Variants in BEGAIN observed in about 807,000 individuals in gnomAD.
BEGAIN encodes the protein brain-enriched guanylate kinase-associated protein.
BEGAIN carries 19 observed loss-of-function variants against 35.8 expected under a neutral mutation model. The ratio of observed to expected loss-of-function variants is 0.53; its 90% CI spans 0.37 to 0.78. The LOEUF (loss-of-function observed/expected upper bound fraction) is 0.78, where lower values mean the gene tolerates loss of function less well. Ranked by LOEUF, BEGAIN falls within the 30% of genes least tolerant of loss-of-function variation. The pLI, the probability that BEGAIN is intolerant of heterozygous loss-of-function variation, is 0.00. For missense variants in BEGAIN, 795 were observed against 853.6 expected (o/e 0.93, Z 0.85); for synonymous variants, 462 against 388.6 (o/e 1.19, Z -2.22).
chr14:100,582,306 A>G (rs1052311764), intron 1 of BEGAIN, among the ~76,000 whole-genome samples: 1 of 152,042 alleles, frequency 6.6e-6, no homozygotes, highest in Non-Finnish European at 1.5e-5. Flanking sequence ...CACCATGCCC[A>G]GCTAATTTTT....
chr14:100,559,531 G>T (rs529345536), intron 2 of BEGAIN, among the ~76,000 whole-genome samples: 6 of 152,354 alleles, frequency 3.9e-5, no homozygotes, highest in Non-Finnish European at 8.8e-5. Context: ...CACTTCGATT[G>T]CTGGCTTCAT....
At chr14:100,578,069 C>A (rs2035240865) in intron 1 of BEGAIN, 3 of 397,904 alleles carry the variant, frequency 7.5e-6, no homozygotes, top group African/African-American at 6.2e-5. Context: ...TCCTCACAGG[C>A]CAGGGCTGCC....
Position 100,538,197 on chromosome 14 carries a change from C to G in BEGAIN, c.1611G>C (p.Gly537=), listed in dbSNP as rs756675638. ...GCACCCCGAGCCTGTCCCCGTCCCC[C>G]CCCTCGCTGGGTGCATAGCCGGGCA... ...DPLPGYAPSE[G]GDGDRLGVQL... Residue 537 remains glycine (G), a synonymous_variant, in exon 7 of 7, where the codon GGG becomes GGC. Coordinates refer to ENST00000554140, the MANE Select transcript of BEGAIN (RefSeq NM_001385089.1). The G allele has an allele frequency of 1.3e-6, 2 of 1,552,392 alleles. No individual in the cohort carries two copies. The highest frequency in any genetic ancestry group is 2.3e-5 in the East Asian group (1 of 42,614).
rs1328741561 is a variant in BEGAIN at position 100,567,861 on chromosome 14, AC to A, written c.71+49del. On this transcript the variant is annotated intron_variant, in intron 2 of 6. Transcript: ENST00000554140. This position sits in a 1 kb window ranked among gnomAD's most constrained non-coding sequence, Gnocchi z 5.1. Reference sequence around the variant, plus strand: ...TTCCCCCGCCTTCCCCAGCGCCCTCACCCCCGACCCGGCCCCCGCGAGCCGC... The same window carrying A: ...TTCCCCCGCCTTCCCCAGCGCCCTCACCCCGACCCGGCCCCCGCGAGCCGC... The A allele has an allele frequency of 4.9e-6, 7 of 1,432,900 alleles. No homozygotes were observed. Among genetic ancestry groups the A allele is most frequent in the Admixed American group, 2.4e-5 (1 of 42,542 alleles). 88.8% of individuals were successfully genotyped at this position (1,432,900 alleles called of 1,614,324 possible).
chr14:100,544,957 G>C (rs1253278149), intron 4 of BEGAIN, 43 bp downstream of exon 4: 1 of 1,593,448 alleles, frequency 6.3e-7, no homozygotes, highest in African/African-American at 1.3e-5. Flanking sequence ...CCCCCGGGAA[G>C]GAGGTGTGGG....
intron 1 of BEGAIN, chr14:100,577,301 TGA>T (rs1258021921): frequency 5.0e-6 from 2 of 398,818 alleles, no homozygotes; most frequent in Admixed American, 4.4e-5. Flanking sequence ...CCTCTGGGGT[TGA>T]GACTCACCCG....
rs896013940 is a variant in BEGAIN, at chr14:100,563,039, C to T, written c.71+4872G>A. ...GGAGAGGGTGCCCTTTGAGGGGGGG[C>T]GTGGAGGGGCAGGGCAGGACAGGGT... On this transcript the variant is annotated intron_variant, in intron 2 of 6. Transcript: ENST00000554140. This position sits in a 1 kb window ranked among gnomAD's most constrained non-coding sequence, Gnocchi z 4.2. Among the ~76,000 whole-genome samples, 7 of 152,182 alleles carry T rather than the reference C, an allele frequency of 4.6e-5. No individual in the cohort carries two copies. Among genetic ancestry groups the T allele is most frequent in the Admixed American group, 2.6e-4 (4 of 15,284 alleles).
chr14:100,577,616 A>G (rs1247909887), intron 1 of BEGAIN: 5 of 398,954 alleles, frequency 1.3e-5, no homozygotes, highest in Non-Finnish European at 2.2e-5. Flanking sequence ...TCATCCAGGA[A>G]CCTGGAGAAG....
rs573397750 is a variant in BEGAIN, at chr14:100,537,923, G to C, written c.*46C>G. 2 of 1,556,818 alleles carry C rather than the reference G, an allele frequency of 1.3e-6. No homozygotes were observed. The highest frequency in any genetic ancestry group is 1.7e-6 in the Non-Finnish European group (2 of 1,153,020). On this transcript the variant is annotated 3_prime_UTR_variant, in exon 7 of 7. Coordinates refer to ENST00000554140, the MANE Select transcript of BEGAIN (RefSeq NM_001385089.1). Reference sequence around the variant, plus strand: ...GGTGAGGCCGGCCCTTCTGGGGCACGTGGGCTGGCGGGGAGCGAACCACGG... The same window carrying C: ...GGTGAGGCCGGCCCTTCTGGGGCACCTGGGCTGGCGGGGAGCGAACCACGG...
intron 2 of BEGAIN, among the ~76,000 whole-genome samples, chr14:100,560,259 C>G (rs8017376): frequency 6.6e-6 from 1 of 152,058 alleles, no homozygotes; most frequent in Non-Finnish European, 1.5e-5. Flanking sequence ...GGGATCATCC[C>G]GGCGGCCCTA....
chr14:100,573,096 A>AT lies in BEGAIN; in HGVS notation c.43-5158dup, dbSNP rs962937808. On this transcript the variant is annotated intron_variant, in intron 1 of 6. Transcript: ENST00000554140. The surrounding 1 kb of genome is among the most constrained non-coding windows in gnomAD (Gnocchi z 4.2). The stretch of plus-strand genomic sequence containing the variant: ...GGTGGGGCAGGAAAGGGGTGCAGTG[A>AT]TGAACACAGAGGCCCGGATGAAGTG... 6.6e-6 allele frequency among the ~76,000 whole-genome samples: 1 copy of AT among 151,656 alleles called. No homozygotes were observed. Among genetic ancestry groups the AT allele is most frequent in the African/African-American group, 2.4e-5 (1 of 41,232 alleles).
chr14:100,560,623 G>A (rs1198330682), intron 2 of BEGAIN, among the ~76,000 whole-genome samples: 4 of 152,068 alleles, frequency 2.6e-5, no homozygotes, highest in Non-Finnish European at 5.9e-5. Flanking sequence ...AGCAGTGGCT[G>A]CTTCCCCGGT....
At chr14:100,561,794 C>T (rs2034280391) in intron 2 of BEGAIN, among the ~76,000 whole-genome samples, 1 of 152,070 alleles carries the variant, frequency 6.6e-6, no homozygotes, top group Non-Finnish European at 1.5e-5. Context: ...GGTGCGTCTA[C>T]CTTCTTAACC....
chr14:100,566,095 G>A (rs2034657669), intron 2 of BEGAIN, among the ~76,000 whole-genome samples: 1 of 152,182 alleles, frequency 6.6e-6, no homozygotes. Flanking sequence ...GGGAGAGGAG[G>A]GCAGGACCCC....
At chr14:100,552,973 TG>T (rs2033350284) in intron 2 of BEGAIN, among the ~76,000 whole-genome samples, 1 of 151,904 alleles carries the variant, frequency 6.6e-6, no homozygotes, top group Non-Finnish European at 1.5e-5. Context: ...AGCTGCCACC[TG>T]GGCCCTGTGT....
chr14:100,576,545 T>C (rs1453183399), intron 1 of BEGAIN, among the ~76,000 whole-genome samples: 5 of 152,086 alleles, frequency 3.3e-5, no homozygotes, highest in Non-Finnish European at 5.9e-5. Context: ...TGGCTACAGG[T>C]TGATATCCCA....
chr14:100,544,010 G>A (rs1296124651), intron 4 of BEGAIN, 45 bp from the exon 5 acceptor site: 14 of 1,454,972 alleles, frequency 9.6e-6, no homozygotes, highest in South Asian at 2.4e-5. Context: ...GTTGGCTCCT[G>A]GTGAGCCAAC....
chr14:100,569,154 C>G (rs758983184), intron 1 of BEGAIN: 9 of 156,174 alleles, frequency 5.8e-5, no homozygotes, highest in Non-Finnish European at 1.1e-4. Flanking sequence ...CACCTGAAAG[C>G]TGGGGGGAAG....
Position 100,538,647 on chromosome 14 carries a change from G to A in BEGAIN, c.1161C>T (p.Phe387=), listed in dbSNP as rs1481054088. The A allele has an allele frequency of 1.9e-6, 3 of 1,549,918 alleles. No individual in the cohort carries two copies. Among genetic ancestry groups the A allele is most frequent in the East Asian group, 4.9e-5 (2 of 41,108 alleles). Residue 387 remains phenylalanine, a synonymous_variant, in exon 7 of 7, where the codon TTC becomes TTT. Coordinates refer to ENST00000554140, the MANE Select transcript of BEGAIN (RefSeq NM_001385089.1). The stretch of plus-strand genomic sequence containing the variant: ...CCGGGTACGGTGACATGGTCCGCCC[G>A]AAGCCTGGGGCCACTTCGGCCTCCA... The part of the protein sequence containing the change: ...APLEAEVAPG[F]GRTMSPYPAE...
Sources: allele counts gnomAD v4.1 joint callset (sites outside exome capture counted in the v4.1 genomes callset), GRCh38; gene constraint gnomAD v4.1.1; non-coding constraint Gnocchi (gnomAD v3.1); transcripts MANE v1.5; gene names NCBI Gene and HGNC (gene_info 2026-07-23, HGNC 2026-07-21).